Variants in NEGR1 observed in about 807,000 individuals in gnomAD.
NEGR1 encodes the protein neuronal growth regulator 1.
In NEGR1, 10 loss-of-function variants were observed where a neutral mutation model predicts 40.9. The observed-to-expected ratio is 0.24, with a 90% confidence interval of 0.15 to 0.42. The LOEUF (loss-of-function observed/expected upper bound fraction) is 0.42. NEGR1 is among the 10% of genes least tolerant of loss of function. The probability of loss-of-function intolerance (pLI) is 1.00; values close to 1 mark genes in which losing one functional copy is unlikely to be tolerated. For missense variants in NEGR1, 352 were observed against 438.9 expected (o/e 0.80, Z 1.77); for synonymous variants, 185 against 166.8 (o/e 1.11, Z -0.84).
At chr1:71,410,628 A>C (rs941323449) in intron 6 of NEGR1, among the ~76,000 whole-genome samples, 1 of 152,202 alleles carries the variant, frequency 6.6e-6, no homozygotes, top group African/African-American at 2.4e-5. Context: ...ACTTTAGTAC[A>C]CACATATCTC....
In NEGR1 at chr1:71,399,964, A is replaced by G. The variant is rs1646236470; in HGVS notation, c.*7482T>C. On this transcript the variant is annotated 3_prime_UTR_variant, in exon 7 of 7. Coordinates refer to ENST00000357731, the MANE Select transcript of NEGR1 (RefSeq NM_173808.3). Reference sequence around the variant, plus strand: ...TTTTTTTTCTAAGATATGGTCCCCAAATTTTCTTGAGAAATCCCCATGTGC... The same window carrying G: ...TTTTTTTTCTAAGATATGGTCCCCAGATTTTCTTGAGAAATCCCCATGTGC... The G allele has an allele frequency of 6.6e-6, 1 of 152,194 alleles. No individual in the cohort carries two copies. Among genetic ancestry groups the G allele is most frequent in the South Asian group, 2.1e-4 (1 of 4,834 alleles). 9.4% of individuals were successfully genotyped at this position (152,194 alleles called of 1,614,324 possible).
At chr1:71,640,721 T>G (rs1396565161) in intron 4 of NEGR1, among the ~76,000 whole-genome samples, 2 of 152,090 alleles carry the variant, frequency 1.3e-5, no homozygotes, top group Non-Finnish European at 2.9e-5. Context: ...ATTTATTATT[T>G]ATTAAAAATC....
At chr1:71,711,927 C>T (rs1475473209) in intron 3 of NEGR1, among the ~76,000 whole-genome samples, 1 of 151,964 alleles carries the variant, frequency 6.6e-6, no homozygotes, top group Non-Finnish European at 1.5e-5. Flanking sequence ...ATTCAAAAGG[C>T]TATATATTGT....
intron 6 of NEGR1, among the ~76,000 whole-genome samples, chr1:71,442,204 A>G (rs1646551486): frequency 6.6e-6 from 1 of 151,230 alleles, no homozygotes; most frequent in Admixed American, 6.6e-5. Flanking sequence ...ACATTTAAAA[A>G]CACAATGGCA....
intron 3 of NEGR1, among the ~76,000 whole-genome samples, chr1:71,709,957 T>C (rs375896700): frequency 5.9e-5 from 9 of 152,054 alleles, no homozygotes; most frequent in African/African-American, 1.9e-4. Flanking sequence ...AGACAACCCA[T>C]AGAATGGGAG....
At chr1:71,762,856 T>G (rs1192636974) in intron 3 of NEGR1, among the ~76,000 whole-genome samples, 1 of 152,026 alleles carries the variant, frequency 6.6e-6, no homozygotes, top group Non-Finnish European at 1.5e-5. Flanking sequence ...AGCCAAAACA[T>G]CATTTGGCAA....
At chr1:72,274,660 T>C in intron 1 of NEGR1, 1 of 883,126 alleles carries the variant, frequency 1.1e-6, no homozygotes. Context: ...AAGTGCTATT[T>C]ATGGAGGTAC....
At chr1:72,277,892 T>C (rs952035302) in intron 1 of NEGR1, among the ~76,000 whole-genome samples, 13 of 152,264 alleles carry the variant, frequency 8.5e-5, no homozygotes, top group South Asian at 6.2e-4. Context: ...TACACCATAA[T>C]TGATTTTTAC....
At chr1:72,163,502 C>T (rs1023980113) in intron 1 of NEGR1, among the ~76,000 whole-genome samples, 1 of 151,910 alleles carries the variant, frequency 6.6e-6, no homozygotes, top group Admixed American at 6.6e-5. Context: ...ATCTGAAGAA[C>T]AAGTAAAGCA....
At chr1:72,006,933 G>A (rs1377021119) in intron 1 of NEGR1, among the ~76,000 whole-genome samples, 1 of 152,024 alleles carries the variant, frequency 6.6e-6, no homozygotes. Flanking sequence ...GAGAGATCAC[G>A]GTCAAAATTA....
rs1054577446 is a variant in NEGR1 at position 72,282,371 on chromosome 1, A to C, written c.124T>G (p.Trp42Gly). The C allele has an allele frequency of 6.2e-7, 1 of 1,614,010 alleles. No individual in the cohort carries two copies. Among genetic ancestry groups the C allele is most frequent in the African/African-American group, 1.3e-5 (1 of 74,986 alleles). ...LPAGQSVDFPWAAVDNMMVRK... is the reference protein window; with the variant it reads ...LPAGQSVDFPGAAVDNMMVRK... ...ACCATCATGTTGTCCACGGCCGCCCAGGGGAAGTCCACACTCTGTCCAGCC... is the reference window on the plus strand; with the variant it reads ...ACCATCATGTTGTCCACGGCCGCCCCGGGGAAGTCCACACTCTGTCCAGCC... Residue 42 changes from tryptophan to glycine, a missense_variant, in exon 1 of 7, where the codon TGG (tryptophan) becomes GGG (glycine). By Grantham distance (184) the Trp-to-Gly change is radical. Coordinates refer to ENST00000357731, the MANE Select transcript of NEGR1 (RefSeq NM_173808.3).
intron 1 of NEGR1, among the ~76,000 whole-genome samples, chr1:71,956,857 G>A (rs1207931935): frequency 6.6e-6 from 1 of 152,056 alleles, no homozygotes; most frequent in African/African-American, 2.4e-5. Flanking sequence ...TCCAGACATA[G>A]TGTCTGTAGA....
intron 6 of NEGR1, among the ~76,000 whole-genome samples, chr1:71,491,384 G>T (rs1475550412): frequency 2.6e-5 from 4 of 151,960 alleles, no homozygotes; most frequent in African/African-American, 7.2e-5. Flanking sequence ...TGTACTGAAT[G>T]CAAGGAGGTT....
chr1:71,834,496 A>C (rs1658948881), intron 2 of NEGR1, among the ~76,000 whole-genome samples: 1 of 131,572 alleles, frequency 7.6e-6, no homozygotes, highest in Non-Finnish European at 1.6e-5. Context: ...TCAATGGTTG[A>C]GCTGGGACAT....
At chr1:71,425,938 G>A (rs1417999202) in intron 6 of NEGR1, among the ~76,000 whole-genome samples, 3 of 152,112 alleles carry the variant, frequency 2.0e-5, no homozygotes, top group Non-Finnish European at 4.4e-5. Flanking sequence ...AGGTCCTTTG[G>A]TTTAGCACAA....
At chr1:71,426,259 T>C (rs1352588673) in intron 6 of NEGR1, among the ~76,000 whole-genome samples, 1 of 152,198 alleles carries the variant, frequency 6.6e-6, no homozygotes, top group African/African-American at 2.4e-5. Flanking sequence ...TTGCTACTTA[T>C]CAGCATGAAT....
At chr1:72,074,125 G>A (rs2100515166) in intron 1 of NEGR1, among the ~76,000 whole-genome samples, 1 of 152,052 alleles carries the variant, frequency 6.6e-6, no homozygotes, top group South Asian at 2.1e-4. Flanking sequence ...CTTTCATGGT[G>A]ATACATAAAA....
chr1:71,440,274 T>G (rs1646538039), intron 6 of NEGR1, among the ~76,000 whole-genome samples: 1 of 152,216 alleles, frequency 6.6e-6, no homozygotes, highest in African/African-American at 2.4e-5. Flanking sequence ...GAATTACCAG[T>G]AAATTCTATA....
chr1:71,896,220 T>G (rs938353356), intron 2 of NEGR1, among the ~76,000 whole-genome samples: 2 of 151,980 alleles, frequency 1.3e-5, no homozygotes, highest in East Asian at 3.9e-4. Context: ...GTGTTTTTAG[T>G]AGAGATGGGG....
Sources: gnomAD v4.1 joint callset for allele counts (sites outside exome capture counted in the v4.1 genomes callset) on GRCh38, gnomAD v4.1.1 for gene constraint, MANE v1.5 for transcripts, NCBI Gene and HGNC (gene_info 2026-07-23, HGNC 2026-07-21) for gene names.